The following COMMD1 variants were observed in gnomAD, a reference collection of about 807,000 sequenced individuals.
COMMD1 encodes the protein copper metabolism domain containing 1.
Under a neutral mutation model 17.2 loss-of-function variants are expected in COMMD1, and 10 were observed. The ratio of observed to expected loss-of-function variants is 0.58; its 90% confidence interval spans 0.36 to 0.99. COMMD1 has a LOEUF of 0.99. Ranked by LOEUF, COMMD1 falls within the 50% of genes least tolerant of loss-of-function variation. The pLI, the probability that COMMD1 is intolerant of heterozygous loss-of-function variation, is 0.01. For synonymous variants in COMMD1, 97 were observed against 91.6 expected, an observed-to-expected ratio of 1.06 and a Z score of -0.34; for missense variants, 270 against 231.8, an observed-to-expected ratio of 1.17 and a Z score of -1.07.
intron 1 of COMMD1, among the ~76,000 whole-genome samples, chr2:61,989,110 C>T (rs1672179939): frequency 6.6e-6 from 1 of 152,260 alleles, no homozygotes; most frequent in East Asian, 1.9e-4. Flanking sequence ...TGATCACTCA[C>T]CTGATTTTTG....
At chr2:62,039,679 G>C (rs898391439) in intron 2 of COMMD1, among the ~76,000 whole-genome samples, 1 of 152,276 alleles carries the variant, frequency 6.6e-6, no homozygotes. Context: ...ATATATATCT[G>C]CTTGTGGAGT....
intron 2 of COMMD1, among the ~76,000 whole-genome samples, chr2:62,033,777 C>T (rs1056041230): frequency 6.6e-6 from 1 of 151,952 alleles, no homozygotes; most frequent in Non-Finnish European, 1.5e-5. Context: ...GACTGCCCAC[C>T]TTGTCCTCTA....
intron 2 of COMMD1, among the ~76,000 whole-genome samples, chr2:62,103,923 C>A (rs1045339965): frequency 1.3e-5 from 2 of 152,110 alleles, no homozygotes; most frequent in African/African-American, 2.4e-5. Flanking sequence ...TTACTGCGAC[C>A]TCTGCCTCCC....
At chr2:61,928,966 C>A (rs1005586714) in intron 1 of COMMD1, among the ~76,000 whole-genome samples, 4 of 152,168 alleles carry the variant, frequency 2.6e-5, no homozygotes, top group African/African-American at 9.7e-5. Context: ...GGCAAGCCAC[C>A]AGTGCATTCC....
intron 2 of COMMD1, among the ~76,000 whole-genome samples, chr2:62,044,443 C>G (rs1295806822): frequency 6.6e-6 from 1 of 152,180 alleles, no homozygotes; most frequent in Non-Finnish European, 1.5e-5. Context: ...GATCCTTTTA[C>G]TGATTTCTGT....
At chr2:62,107,971 T>A (rs938530660) in intron 2 of COMMD1, among the ~76,000 whole-genome samples, 2 of 152,128 alleles carry the variant, frequency 1.3e-5, no homozygotes, top group Non-Finnish European at 2.9e-5. Flanking sequence ...CTATTCCTTC[T>A]CAAAAGGAAT....
chr2:61,974,981 C>T (rs1671755208), intron 1 of COMMD1, among the ~76,000 whole-genome samples: 2 of 152,066 alleles, frequency 1.3e-5, no homozygotes, highest in Non-Finnish European at 2.9e-5. Flanking sequence ...TTACCGTCTT[C>T]ACAGTTTTAC....
chr2:62,029,289 A>C (rs1409746573), intron 2 of COMMD1, among the ~76,000 whole-genome samples: 1 of 152,222 alleles, frequency 6.6e-6, no homozygotes, highest in African/African-American at 2.4e-5. Context: ...ATGTGTATGC[A>C]TAAAGTTCAC....
At chr2:62,043,220 C>T (rs146781793) in intron 2 of COMMD1, among the ~76,000 whole-genome samples, 768 of 152,310 alleles carry the variant, frequency 5.0e-3, no homozygotes, top group Non-Finnish European at 7.3e-3. Context: ...ACAAGAACAG[C>T]AGTTACTATT....
chr2:62,039,562 A>G (rs990408682), intron 2 of COMMD1, among the ~76,000 whole-genome samples: 3 of 152,200 alleles, frequency 2.0e-5, no homozygotes, highest in Non-Finnish European at 4.4e-5. Context: ...CTTGCATCAT[A>G]CCACCATGGT....
At chr2:61,913,801 A>T (rs1669975609) in intron 1 of COMMD1, among the ~76,000 whole-genome samples, 2 of 116,750 alleles carry the variant, frequency 1.7e-5, no homozygotes, top group African/African-American at 3.4e-5. Flanking sequence ...ATCTCCAAAA[A>T]AAAAAAAAAA....
At chr2:62,086,550 C>T (rs1671675027) in intron 2 of COMMD1, among the ~76,000 whole-genome samples, 1 of 151,994 alleles carries the variant, frequency 6.6e-6, no homozygotes, top group African/African-American at 2.4e-5. Context: ...TCTGTTAGTG[C>T]CTTTCATGTT....
chr2:62,052,935 G>A (rs1281454877), intron 2 of COMMD1, among the ~76,000 whole-genome samples: 2 of 152,210 alleles, frequency 1.3e-5, no homozygotes, highest in Admixed American at 6.5e-5. Flanking sequence ...TGGGTGTGGT[G>A]GCATGCACCT....
chr2:62,117,449 G>T (rs570758738), intron 2 of COMMD1, among the ~76,000 whole-genome samples: 5 of 152,224 alleles, frequency 3.3e-5, no homozygotes, highest in Non-Finnish European at 5.9e-5. Flanking sequence ...TGTTCTATAT[G>T]AATGTGAGTC....
chr2:62,135,542 G>A (rs1414036567), intron 2 of COMMD1, among the ~76,000 whole-genome samples: 4 of 151,870 alleles, frequency 2.6e-5, no homozygotes, highest in Admixed American at 6.6e-5. Flanking sequence ...TAGTAGAGAC[G>A]GGGTTTCACC....
At chr2:62,097,105 A>G (rs1672034106) in intron 2 of COMMD1, among the ~76,000 whole-genome samples, 2 of 152,186 alleles carry the variant, frequency 1.3e-5, no homozygotes, top group Non-Finnish European at 2.9e-5. Flanking sequence ...TGATAGGAAT[A>G]TTGGACAGTA....
At chr2:61,988,823 A>G (rs572060478) in intron 1 of COMMD1, among the ~76,000 whole-genome samples, 38 of 152,120 alleles carry the variant, frequency 2.5e-4, no homozygotes, top group African/African-American at 8.7e-4. Context: ...GGCTTGCCGA[A>G]CTCAAGTTCT....
At chr2:62,092,917 A>G (rs559509026) in intron 2 of COMMD1, among the ~76,000 whole-genome samples, 117 of 152,318 alleles carry the variant, frequency 7.7e-4, no homozygotes, top group Non-Finnish European at 1.4e-3. Context: ...GCCTCTGTCA[A>G]CTTAGCTAAT....
chr2:61,986,247 A>G (rs1253590150), intron 1 of COMMD1, among the ~76,000 whole-genome samples: 1 of 151,992 alleles, frequency 6.6e-6, no homozygotes, highest in Non-Finnish European at 1.5e-5. Flanking sequence ...CTGCTGCCAG[A>G]TGAATTGGAG....
Sources: allele counts gnomAD v4.1 joint callset (sites outside exome capture counted in the v4.1 genomes callset), GRCh38; gene constraint gnomAD v4.1.1; transcripts MANE v1.5; gene names NCBI Gene and HGNC (gene_info 2026-07-23, HGNC 2026-07-21).